PTPRN2: variants seen among roughly 807,000 people sequenced by gnomAD.
PTPRN2 encodes the protein receptor-type tyrosine-protein phosphatase N2.
Under a neutral mutation model 118.8 loss-of-function variants are expected in PTPRN2, and 74 were observed. That is an observed-to-expected ratio of 0.62 (90% CI 0.52 to 0.76). The LOEUF (loss-of-function observed/expected upper bound fraction) is 0.76, where lower values mean the gene tolerates loss of function less well. Among genes scored for constraint, PTPRN2 ranks in the 30% least tolerant of loss-of-function variants. PTPRN2 has a pLI of 0.00. For synonymous variants in PTPRN2, 641 were observed against 608.0 expected (o/e 1.05, Z -0.80); for missense variants, 1,481 against 1,394.4 (o/e 1.06, Z -0.99).
intron 9 of PTPRN2, among the ~76,000 whole-genome samples, chr7:158,117,009 A>T (rs1298937377): frequency 6.6e-6 from 1 of 152,106 alleles, no homozygotes; most frequent in Non-Finnish European, 1.5e-5. Flanking sequence ...TTCAACAAAA[A>T]ATTGCAAGAA....
At chr7:157,791,891 G>T (rs934261635) in intron 12 of PTPRN2, among the ~76,000 whole-genome samples, 10 of 152,216 alleles carry the variant, frequency 6.6e-5, no homozygotes, top group African/African-American at 2.4e-4. Flanking sequence ...AGATCAGAGG[G>T]GCGCACGCGG....
intron 2 of PTPRN2, among the ~76,000 whole-genome samples, chr7:158,455,220 G>T: frequency 6.6e-6 from 1 of 151,872 alleles, no homozygotes. Context: ...ATCGGCCACG[G>T]CCACCCATCG....
Position 157,831,409 on chromosome 7 carries a change from T to C in PTPRN2, c.1788+67264A>G, listed in dbSNP as rs1807556057. Among the ~76,000 whole-genome samples the C allele has an allele frequency of 1.3e-5, 2 of 152,206 alleles. No homozygotes were observed. Among genetic ancestry groups the C allele is most frequent in the Admixed American group, 6.5e-5 (1 of 15,288 alleles). On this transcript the variant is annotated intron_variant, in intron 12 of 22. Transcript: ENST00000389418. The surrounding 1 kb of genome is among the most constrained non-coding windows in gnomAD (Gnocchi z 4.8). The stretch of plus-strand genomic sequence containing the variant: ...TTTCTTCCCGAAGCATCTTAACTGA[T>C]GCGGGTTCTGTGTCCAGGGAAGAGC...
intron 12 of PTPRN2, among the ~76,000 whole-genome samples, chr7:157,876,106 G>A (rs1305654897): frequency 2.0e-5 from 3 of 152,222 alleles, no homozygotes; most frequent in African/African-American, 7.2e-5. Context: ...CAGAATTCAC[G>A]ACTCCTTGCA....
chr7:158,518,878 G>A (rs746293491), intron 1 of PTPRN2, among the ~76,000 whole-genome samples: 12 of 152,104 alleles, frequency 7.9e-5, no homozygotes, highest in Non-Finnish European at 1.6e-4. Flanking sequence ...CCAGGTACTC[G>A]GGAGGCTGAG....
intron 11 of PTPRN2, among the ~76,000 whole-genome samples, chr7:158,071,426 G>C (rs1811594124): frequency 8.4e-6 from 1 of 119,256 alleles, no homozygotes; most frequent in Non-Finnish European, 1.8e-5. Flanking sequence ...TGGTGGTGGA[G>C]GTGCTCGTGG....
intron 11 of PTPRN2, among the ~76,000 whole-genome samples, chr7:157,955,727 G>A (rs4716834): frequency 0.83 from 125,829 of 152,192 alleles, 52,600 homozygotes; most frequent in East Asian, 0.9. Flanking sequence ...GCTCAGCCCC[G>A]CAGGGTGCTA....
At chr7:158,430,770 C>T (rs1426543215) in intron 2 of PTPRN2, among the ~76,000 whole-genome samples, 5 of 152,226 alleles carry the variant, frequency 3.3e-5, no homozygotes, top group Non-Finnish European at 7.3e-5. Flanking sequence ...CCCATGACAG[C>T]TTGAACCCAG....
intron 3 of PTPRN2, among the ~76,000 whole-genome samples, chr7:158,229,674 T>C (rs1020478904): frequency 9.2e-5 from 14 of 151,464 alleles, no homozygotes; most frequent in African/African-American, 3.2e-4. Flanking sequence ...GACAGGCTAT[T>C]TGAAAATACA....
intron 2 of PTPRN2, among the ~76,000 whole-genome samples, chr7:158,346,348 A>C (rs1175445363): frequency 1.3e-5 from 2 of 152,070 alleles, no homozygotes; most frequent in Admixed American, 1.3e-4. Flanking sequence ...TGTGAGTTCA[A>C]TTGTTTTCAG....
intron 11 of PTPRN2, among the ~76,000 whole-genome samples, chr7:158,031,924 G>A (rs903096233): frequency 3.9e-5 from 6 of 152,232 alleles, no homozygotes; most frequent in Non-Finnish European, 7.3e-5. Context: ...CGCTCCGGGG[G>A]CCCGCGAGCC....
chr7:158,430,924 G>T (rs944842549), intron 2 of PTPRN2, among the ~76,000 whole-genome samples: 4 of 152,206 alleles, frequency 2.6e-5, no homozygotes, highest in Non-Finnish European at 5.9e-5. Flanking sequence ...GGCTGTGTCT[G>T]ACCGTGGAAC....
chr7:158,570,141 C>T lies in PTPRN2; in HGVS notation c.112+17417G>A, dbSNP rs1298058038. Among the ~76,000 whole-genome samples the T allele has an allele frequency of 6.6e-6, 1 of 152,142 alleles. No homozygotes were observed. Among genetic ancestry groups the T allele is most frequent in the Non-Finnish European group, 1.5e-5 (1 of 68,008 alleles). ...TCGGGCCCCAGGCTCTCCGCGGAGC[C>T]GTCTCCAACCCCTGCAGGCCGACCT... On this transcript the variant is annotated intron_variant, in intron 1 of 22. Coordinates refer to ENST00000389418, the MANE Select transcript of PTPRN2 (RefSeq NM_002847.5). The surrounding 1 kb of genome is among the most constrained non-coding windows in gnomAD (Gnocchi z 4.5).
chr7:157,978,967 G>C (rs1802942154), intron 11 of PTPRN2, among the ~76,000 whole-genome samples: 1 of 152,070 alleles, frequency 6.6e-6, no homozygotes, highest in Non-Finnish European at 1.5e-5. Context: ...GGAAGGCCCA[G>C]AGGGGGGTGG....
chr7:158,176,798 A>AG (rs2150640778), intron 5 of PTPRN2, among the ~76,000 whole-genome samples: 1 of 152,324 alleles, frequency 6.6e-6, no homozygotes, highest in South Asian at 2.1e-4. Flanking sequence ...CAATCACATG[A>AG]GGGGGCAAAC....
intron 2 of PTPRN2, among the ~76,000 whole-genome samples, chr7:158,333,353 A>AG (rs1563157003): frequency 1.4e-5 from 2 of 143,078 alleles, no homozygotes; most frequent in Non-Finnish European, 3.1e-5. Context: ...TGACACCTGC[A>AG]GACGTCACTC....
intron 1 of PTPRN2, among the ~76,000 whole-genome samples, chr7:158,551,564 T>A (rs1305228245): frequency 1.5e-5 from 2 of 132,078 alleles, no homozygotes; most frequent in African/African-American, 5.7e-5. Flanking sequence ...CCCCAGCTCC[T>A]AACCCATCAC....
At position 158,149,248 on chromosome 7, in the gene PTPRN2, A is replaced by T. The variant is rs369570502; in HGVS notation, c.911-10733T>A. Among the ~76,000 whole-genome samples, 80 of 152,102 alleles carry T rather than the reference A, an allele frequency of 5.3e-4. No individual in the cohort carries two copies. In the South Asian group the frequency reaches 0.016, roughly 31 times the overall value. The stretch of plus-strand genomic sequence containing the variant: ...TCTCCAAGCTGGCACCAATTATAGT[A>T]CAGGGAACCCAATTTCCAACCAAAA... On this transcript the variant is annotated intron_variant, in intron 6 of 22. Coordinates refer to ENST00000389418, the MANE Select transcript of PTPRN2 (RefSeq NM_002847.5).
At chr7:157,660,509 A>C (rs960217075) in intron 13 of PTPRN2, among the ~76,000 whole-genome samples, 4 of 152,214 alleles carry the variant, frequency 2.6e-5, no homozygotes, top group African/African-American at 9.6e-5. Context: ...GAAAACCTCT[A>C]AAGGTCTCTA....
Sources: gnomAD v4.1 joint callset for allele counts (sites outside exome capture counted in the v4.1 genomes callset) on GRCh38, gnomAD v4.1.1 for gene constraint, Gnocchi (gnomAD v3.1) non-coding constraint, MANE v1.5 for transcripts, NCBI Gene and HGNC (gene_info 2026-07-23, HGNC 2026-07-21) for gene names.